FILIP1: variants seen among roughly 807,000 people sequenced by gnomAD.
FILIP1 encodes the protein filamin A interacting protein 1.
A neutral mutation model predicts 102.1 loss-of-function variants in FILIP1; 61 were observed. The observed-to-expected ratio is 0.60, with a 90% confidence interval of 0.49 to 0.74. The LOEUF is 0.74. Among genes scored for constraint, FILIP1 ranks in the 30% least tolerant of loss-of-function variants. FILIP1 has a pLI of 0.00. For synonymous variants in FILIP1, 491 were observed against 526.9 expected (o/e 0.93, Z 0.93); for missense variants, 1,314 against 1,441.2 (o/e 0.91, Z 1.43).
chr6:75,394,339 G>A (rs2149661603), intron 2 of FILIP1, among the ~76,000 whole-genome samples: 1 of 152,210 alleles, frequency 6.6e-6, no homozygotes, highest in Admixed American at 6.5e-5. Context: ...AAAAGTACTA[G>A]AAGAAAATTT....
intron 2 of FILIP1, chr6:75,385,822 T>C (rs1776076948): frequency 2.0e-5 from 3 of 151,740 alleles, no homozygotes; most frequent in South Asian, 4.1e-4. Context: ...CATGGTCCCA[T>C]TACTTGTAGC....
At chr6:75,406,610 A>G (rs1422797391) in intron 2 of FILIP1, among the ~76,000 whole-genome samples, 1 of 150,414 alleles carries the variant, frequency 6.6e-6, no homozygotes, top group East Asian at 1.9e-4. Flanking sequence ...AAATACAAGT[A>G]TTATGATTAT....
intron 4 of FILIP1, among the ~76,000 whole-genome samples, chr6:75,332,048 C>T (rs1316390412): frequency 1.3e-5 from 2 of 152,044 alleles, no homozygotes; most frequent in Admixed American, 6.6e-5. Context: ...GTGCTGGCAC[C>T]CTGATCTCGA....
chr6:75,307,389 T>G (rs1161712135), downstream of FILIP1, among the ~76,000 whole-genome samples: 2 of 152,188 alleles, frequency 1.3e-5, no homozygotes, highest in African/African-American at 4.8e-5. Flanking sequence ...CCATATAATT[T>G]TGGAACACTC....
intron 1 of FILIP1, among the ~76,000 whole-genome samples, chr6:75,421,188 A>G (rs1777452149): frequency 6.6e-6 from 1 of 152,202 alleles, no homozygotes; most frequent in Non-Finnish European, 1.5e-5. Flanking sequence ...AAATAAAGAA[A>G]CAAAAGATGA....
chr6:75,384,775 C>T (rs1009483169), intron 2 of FILIP1: 2 of 147,756 alleles, frequency 1.4e-5, no homozygotes, highest in East Asian at 1.9e-4. Context: ...TAATTTAGAA[C>T]AACAAAAAAA....
chr6:75,398,324 G>C (rs993588349), intron 2 of FILIP1, among the ~76,000 whole-genome samples: 8 of 152,118 alleles, frequency 5.3e-5, no homozygotes, highest in Admixed American at 2.6e-4. Flanking sequence ...TTATGAGGTC[G>C]TTTTAAATCC....
chr6:75,297,402 A>AT (rs891002796), intron 6 of FILIP1, among the ~76,000 whole-genome samples: 57 of 152,196 alleles, frequency 3.7e-4, no homozygotes, highest in Middle Eastern at 3.4e-3. Context: ...AGCTATTTCC[A>AT]TTTTTTCCCT....
At chr6:75,491,379 A>T (rs1371828400) in intron 1 of FILIP1, among the ~76,000 whole-genome samples, 1 of 152,164 alleles carries the variant, frequency 6.6e-6, no homozygotes, top group African/African-American at 2.4e-5. Flanking sequence ...AGATGATGGA[A>T]GGTTTTCAAA....
intron 1 of FILIP1, among the ~76,000 whole-genome samples, chr6:75,451,411 T>G (rs1778627727): frequency 6.6e-6 from 1 of 151,672 alleles, no homozygotes; most frequent in African/African-American, 2.4e-5. Context: ...AACAGGTGAT[T>G]CCCAAAGAAG....
intron 2 of FILIP1, among the ~76,000 whole-genome samples, chr6:75,365,037 G>A (rs1416715237): frequency 1.3e-5 from 2 of 152,136 alleles, no homozygotes; most frequent in East Asian, 3.8e-4. Flanking sequence ...AAATGGCGAT[G>A]ATAGAAGGTT....
Position 75,312,543 on chromosome 6 carries a change from C to T in FILIP1, c.3289G>A (p.Val1097Met), listed in dbSNP as rs773434761. The change falls in exon 5 of 6, where the codon GTG (valine) becomes ATG (methionine). Residue 1097 changes from valine (V) to methionine (M), a missense_variant. This residue lies in a region of FILIP1 where 816 missense variants were observed against 913.1 expected (regional missense o/e 0.89). Coordinates refer to ENST00000237172, the MANE Select transcript of FILIP1 (RefSeq NM_015687.5). ...SPVITVRPVN[V>M]TAEKEVSTGT... ...GTGGAAACCTCCTTTTCGGCTGTCA[C>T]GTTTACTGGTCGGACAGTAATAACT... 73 of 1,614,068 alleles carry T rather than the reference C, an allele frequency of 4.5e-5. No homozygotes were observed. Among genetic ancestry groups the T allele is most frequent in the Admixed American group, 1.2e-4 (7 of 60,000 alleles).
chr6:75,402,564 A>G (rs1358088919), intron 2 of FILIP1, among the ~76,000 whole-genome samples: 1 of 152,196 alleles, frequency 6.6e-6, no homozygotes, highest in Non-Finnish European at 1.5e-5. Context: ...CAGGGACTCT[A>G]CTGGAGGCCT....
chr6:75,341,162 T>G (rs1026201717), intron 4 of FILIP1, among the ~76,000 whole-genome samples: 2 of 151,844 alleles, frequency 1.3e-5, no homozygotes, highest in Admixed American at 6.6e-5. Flanking sequence ...GTTTTGTTTT[T>G]TTTTTTTGGA....
At chr6:75,480,505 T>C (rs1232432689) in intron 1 of FILIP1, among the ~76,000 whole-genome samples, 1 of 152,108 alleles carries the variant, frequency 6.6e-6, no homozygotes, top group Non-Finnish European at 1.5e-5. Flanking sequence ...CCTCCACTGC[T>C]CCTGGCTCAA....
chr6:75,321,534 C>T (rs1249925239), intron 4 of FILIP1, among the ~76,000 whole-genome samples: 3 of 152,182 alleles, frequency 2.0e-5, no homozygotes, highest in Non-Finnish European at 4.4e-5. Flanking sequence ...GTGGCTCACG[C>T]CTGTAATCCC....
intron 1 of FILIP1, among the ~76,000 whole-genome samples, chr6:75,422,608 C>T (rs906566519): frequency 6.6e-6 from 1 of 152,152 alleles, no homozygotes; most frequent in Admixed American, 6.6e-5. Flanking sequence ...TAGGCATTAT[C>T]TCAGCAGTCT....
chr6:75,328,486 T>C (rs1773949725), intron 4 of FILIP1, among the ~76,000 whole-genome samples: 1 of 81,610 alleles, frequency 1.2e-5, no homozygotes. Context: ...TGTAATAATG[T>C]TTTTGTTTGT....
chr6:75,329,587 G>T (rs892100555), intron 4 of FILIP1, among the ~76,000 whole-genome samples: 7 of 152,072 alleles, frequency 4.6e-5, no homozygotes, highest in African/African-American at 1.4e-4. Flanking sequence ...ACTCATAAGG[G>T]CATGATAGTA....
Sources: gnomAD v4.1 joint callset for allele counts (sites outside exome capture counted in the v4.1 genomes callset) on GRCh38, gnomAD v4.1.1 for gene constraint, gnomAD v4.1.1 regional missense constraint, MANE v1.5 for transcripts, NCBI Gene and HGNC (gene_info 2026-07-23, HGNC 2026-07-21) for gene names.